SUSD4: variants seen among roughly 807,000 people sequenced by gnomAD.
The protein encoded by SUSD4 is sushi domain containing 4.
SUSD4 carries 41 observed loss-of-function variants against 50.5 expected under a neutral mutation model. That is an observed-to-expected ratio of 0.81 (90% CI 0.63 to 1.05). The LOEUF (loss-of-function observed/expected upper bound fraction) is 1.05. Among genes scored for constraint, SUSD4 ranks in the 50% least tolerant of loss-of-function variants. The probability of loss-of-function intolerance (pLI) is 0.00; values close to 1 mark genes in which losing one functional copy is unlikely to be tolerated. For synonymous variants in SUSD4, 257 were observed against 257.3 expected, an observed-to-expected ratio of 1.00 and a Z score of 0.01; for missense variants, 580 against 634.7, an observed-to-expected ratio of 0.91 and a Z score of 0.93.
chr1:223,242,533 T>C (rs1160396295), intron 5 of SUSD4, among the ~76,000 whole-genome samples: 8 of 152,214 alleles, frequency 5.3e-5, no homozygotes, highest in African/African-American at 1.9e-4. Flanking sequence ...GAATTTCTAC[T>C]TGTCCCTCAC....
chr1:223,230,199 T>A (rs1659801162), intron 5 of SUSD4, among the ~76,000 whole-genome samples: 2 of 152,110 alleles, frequency 1.3e-5, no homozygotes, highest in Admixed American at 1.3e-4. Context: ...GACGGTTCCA[T>A]CTCTGTCACC....
intron 8 of SUSD4, 92 bp from the exon 9 acceptor site, chr1:223,222,312 C>A (rs1251537781): frequency 1.5e-6 from 2 of 1,369,054 alleles, no homozygotes; most frequent in South Asian, 1.3e-5. Flanking sequence ...TCTACAGTTT[C>A]TCAAATCAGT....
At chr1:223,363,781 C>T (rs1669149404) in intron 1 of SUSD4, 1 of 217,322 alleles carries the variant, frequency 4.6e-6, no homozygotes. Flanking sequence ...TCTAGAGCCT[C>T]CCCGCGTCTC....
intron 2 of SUSD4, among the ~76,000 whole-genome samples, chr1:223,338,010 A>G (rs1667550587): frequency 6.6e-6 from 1 of 152,242 alleles, no homozygotes; most frequent in Admixed American, 6.5e-5. Context: ...TTCTTTAAAA[A>G]GGTGAATGGA....
chr1:223,275,416 T>C lies in SUSD4; in HGVS notation c.362-6741A>G, dbSNP rs78752970. Among the ~76,000 whole-genome samples the C allele has an allele frequency of 5.4e-3, 825 of 152,312 alleles. 44 individuals carry two copies. The East Asian group carries it at 0.12, about 21-fold the overall frequency. ...AACTTTAAGGTCACTTTCCACCTTC[T>C]GGAAAGTTCAACAACAAGGAAGTGA... On this transcript the variant is annotated intron_variant, in intron 3 of 8. Coordinates refer to ENST00000366878, the MANE Select transcript of SUSD4 (RefSeq NM_017982.4).
At position 223,329,923 on chromosome 1, in the gene SUSD4, C is replaced by G. The variant is rs564351340; in HGVS notation, c.148+33355G>C. On this transcript the variant is annotated intron_variant, in intron 2 of 8. Transcript: ENST00000366878. ...ATGAATGGATGGATGAACAGATGGACAGATGAATGAATGGATGGATAAATG... is the reference window on the plus strand; with the variant it reads ...ATGAATGGATGGATGAACAGATGGAGAGATGAATGAATGGATGGATAAATG... 4.0e-5 allele frequency among the ~76,000 whole-genome samples: 6 copies of G among 151,850 alleles called. No individual in the cohort carries two copies. The South Asian group carries it at 1.0e-3, about 26-fold the overall frequency.
intron 2 of SUSD4, among the ~76,000 whole-genome samples, chr1:223,325,836 G>A (rs778670584): frequency 1.3e-5 from 2 of 152,118 alleles, no homozygotes; most frequent in Non-Finnish European, 2.9e-5. Context: ...TCTCCCTACG[G>A]AGAACTATAA....
At chr1:223,350,972 T>C (rs1668327965) in intron 2 of SUSD4, among the ~76,000 whole-genome samples, 2 of 152,242 alleles carry the variant, frequency 1.3e-5, no homozygotes, top group South Asian at 2.1e-4. Flanking sequence ...ACTAAAAATA[T>C]AACAATAACA....
upstream of SUSD4, among the ~76,000 whole-genome samples, chr1:223,364,817 A>AATT (rs1669228410): frequency 6.6e-6 from 1 of 152,018 alleles, no homozygotes; most frequent in African/African-American, 2.4e-5. The surrounding 1 kb of genome is among the most constrained non-coding windows in gnomAD (Gnocchi z 4.5). Context: ...CAATTGCCCG[A>AATT]GTCTCTTAAT....
rs925734118 is a variant in SUSD4, at chr1:223,231,486, G to T, written c.725-2098C>A. Among the ~76,000 whole-genome samples the T allele has an allele frequency of 3.9e-5, 6 of 152,128 alleles. No individual in the cohort carries two copies. Among genetic ancestry groups the T allele is most frequent in the Admixed American group, 3.3e-4 (5 of 15,280 alleles). On this transcript the variant is annotated intron_variant, in intron 5 of 8. Coordinates refer to ENST00000366878, the MANE Select transcript of SUSD4 (RefSeq NM_017982.4). The surrounding 1 kb of genome is among the most constrained non-coding windows in gnomAD (Gnocchi z 4.2). ...GAGCTTTCTGCTGCTCTGCCTCAGG[G>T]TCTCTCCTGGGCTGGCAAATGCAGT...
rs545325335 is a variant in SUSD4 at position 223,229,606 on chromosome 1, A to G, written c.725-218T>C. On this transcript the variant is annotated intron_variant, in intron 5 of 8. Transcript: ENST00000366878. This position sits in a 1 kb window ranked among gnomAD's most constrained non-coding sequence, Gnocchi z 4.7. ...TATTCTGAGCACGTGCCGTTGTGACATGGCATTGTGAAGTACATCGTAAAA... is the reference window on the plus strand; with the variant it reads ...TATTCTGAGCACGTGCCGTTGTGACGTGGCATTGTGAAGTACATCGTAAAA... Among the ~76,000 whole-genome samples, 2 of 152,334 alleles carry G rather than the reference A, an allele frequency of 1.3e-5. No individual in the cohort carries two copies. Among genetic ancestry groups the G allele is most frequent in the South Asian group, 4.1e-4 (2 of 4,824 alleles).
At chr1:223,267,576 G>T (rs1011859386) in intron 4 of SUSD4, among the ~76,000 whole-genome samples, 6 of 152,158 alleles carry the variant, frequency 3.9e-5, no homozygotes, top group African/African-American at 1.4e-4. Flanking sequence ...GGAGCGTGAT[G>T]GTCCGGGCTG....
chr1:223,277,117 G>T (rs1382594753), intron 3 of SUSD4, among the ~76,000 whole-genome samples: 1 of 152,076 alleles, frequency 6.6e-6, no homozygotes, highest in African/African-American at 2.4e-5. Flanking sequence ...GAGTTGAGCT[G>T]AATCTTTTAA....
At chr1:223,312,721 C>G (rs536460610) in intron 2 of SUSD4, among the ~76,000 whole-genome samples, 1 of 152,344 alleles carries the variant, frequency 6.6e-6, no homozygotes, top group South Asian at 2.1e-4. Context: ...CACAGAGGTA[C>G]AGCCCTGAGG....
At chr1:223,264,933 G>A in intron 4 of SUSD4, 115 bp from the exon 5 acceptor site, 3 of 1,054,418 alleles carry the variant, frequency 2.8e-6, no homozygotes, top group Middle Eastern at 6.4e-4. Context: ...GGTGAAAATG[G>A]CACCACCTCT....
At position 223,223,272 on chromosome 1, in the gene SUSD4, C is replaced by G; in HGVS notation, c.1421G>C (p.Ser474Thr). The G allele has an allele frequency of 6.4e-7, 1 of 1,554,094 alleles. No individual in the cohort carries two copies. The highest frequency in any genetic ancestry group is 2.2e-5 in the East Asian group (1 of 44,470). Residue 474 changes from serine (S) to threonine (T), a missense_variant, in exon 8 of 9, where the codon AGC (serine) becomes ACC (threonine). Transcript: ENST00000366878. ...ASTAEEVAST[S>T]PGIDIADEIP... is the part of the protein sequence containing the mutation. ...ACCATCTGCAATGTCGATGCCTGGG[C>G]TGGTGGATGCCACCTCCTCTGCCGT...
chr1:223,245,142 T>A (rs954924865), intron 5 of SUSD4, among the ~76,000 whole-genome samples: 1 of 152,214 alleles, frequency 6.6e-6, no homozygotes, highest in Admixed American at 6.5e-5. Context: ...TCTATTTTGA[T>A]AGATACTTTC....
intron 3 of SUSD4, among the ~76,000 whole-genome samples, chr1:223,279,303 C>G (rs1663517239): frequency 6.6e-6 from 1 of 152,160 alleles, no homozygotes; most frequent in South Asian, 2.1e-4. Flanking sequence ...AAACCCAATG[C>G]AAAGAAGCTA....
Position 223,228,533 on chromosome 1 carries a change from C to G in SUSD4, c.916+664G>C, listed in dbSNP as rs566607032. ...GAGACAGTGGGTGTGTGCTGGTGCC[C>G]CAGTCTCTATCCTGTGGTCACTACC... On this transcript the variant is annotated intron_variant, in intron 6 of 8. Transcript: ENST00000366878. Among the ~76,000 whole-genome samples the G allele has an allele frequency of 5.9e-5, 9 of 152,286 alleles. No homozygotes were observed. The East Asian group carries it at 1.7e-3, about 29-fold the overall frequency.
Sources: allele counts gnomAD v4.1 joint callset (sites outside exome capture counted in the v4.1 genomes callset), GRCh38; gene constraint gnomAD v4.1.1; non-coding constraint Gnocchi (gnomAD v3.1); transcripts MANE v1.5; gene names NCBI Gene and HGNC (gene_info 2026-07-23, HGNC 2026-07-21).